The following DET1 variants were observed in gnomAD, a reference collection of about 807,000 sequenced individuals.
The protein encoded by DET1 is DET1 homolog.
Under a neutral mutation model 43.7 loss-of-function variants are expected in DET1, and 22 were observed. That is an observed-to-expected ratio of 0.50 (90% CI 0.36 to 0.72). The LOEUF (loss-of-function observed/expected upper bound fraction) is 0.72. Ranked by LOEUF, DET1 falls within the 30% of genes least tolerant of loss-of-function variation. The probability of loss-of-function intolerance (pLI) is 0.00; values close to 1 mark genes in which losing one functional copy is unlikely to be tolerated. For missense variants in DET1, 713 were observed against 713.3 expected, an observed-to-expected ratio of 1.00 and a Z score of 0.00; for synonymous variants, 315 against 266.2, an observed-to-expected ratio of 1.18 and a Z score of -1.79.
intron 2 of DET1, 51 bp downstream of exon 2, chr15:88,530,572 C>T (rs185552783): frequency 1.1e-4 from 173 of 1,529,744 alleles, no homozygotes; most frequent in Middle Eastern, 1.8e-4. Context: ...AGAAACCTTC[C>T]CATTTTGCCA....
chr15:88,534,324 C>G lies in DET1; in HGVS notation c.-10-2609G>C, dbSNP rs140788081. ...CACCTTCTCTCTCCCACTAAAAATG[C>G]AGCTATAAAACCTAGACAGAATGCA... On this transcript the variant is annotated intron_variant, in intron 1 of 4. Coordinates refer to ENST00000268148, the MANE Select transcript of DET1 (RefSeq NM_001144074.3). Among the ~76,000 whole-genome samples, 344 of 152,252 alleles carry G rather than the reference C, an allele frequency of 2.3e-3. 2 individuals carry two copies. Among genetic ancestry groups the G allele is most frequent in the African/African-American group, 8.0e-3 (332 of 41,542 alleles).
chr15:88,526,908 C>T (rs1003245418), intron 3 of DET1, among the ~76,000 whole-genome samples: 1 of 152,186 alleles, frequency 6.6e-6, no homozygotes, highest in African/African-American at 2.4e-5. Flanking sequence ...CAGCCTACCT[C>T]ACAGATACCT....
At chr15:88,520,897 T>A (rs548872589) in intron 3 of DET1, among the ~76,000 whole-genome samples, 3 of 152,342 alleles carry the variant, frequency 2.0e-5, no homozygotes, top group Non-Finnish European at 4.4e-5. Context: ...ACTGGATCAC[T>A]GCAATAGTCT....
At chr15:88,505,887 T>C (rs2056134818) in intron 7 of DET1, 1 of 152,146 alleles carries the variant, frequency 6.6e-6, no homozygotes, top group African/African-American at 2.4e-5. Context: ...GCAAAGCAGG[T>C]TAGAGGTGTT....
chr15:88,538,631 C>G (rs538727475), intron 1 of DET1, among the ~76,000 whole-genome samples: 1 of 152,098 alleles, frequency 6.6e-6, no homozygotes, highest in South Asian at 2.1e-4. Flanking sequence ...TCTAACACCC[C>G]GGGTACAACA....
At chr15:88,541,850 C>G (rs576507550) in intron 1 of DET1, among the ~76,000 whole-genome samples, 8 of 152,316 alleles carry the variant, frequency 5.3e-5, no homozygotes, top group East Asian at 3.9e-4. Flanking sequence ...TTTTGCCTCC[C>G]TCTGAAGAAG....
chr15:88,539,822 C>G (rs2057056753), intron 1 of DET1, among the ~76,000 whole-genome samples: 1 of 152,246 alleles, frequency 6.6e-6, no homozygotes, highest in South Asian at 2.1e-4. Flanking sequence ...CCATACCCCA[C>G]ATCCAAGTGA....
At chr15:88,537,980 T>C (rs2056996633) in intron 1 of DET1, among the ~76,000 whole-genome samples, 1 of 152,226 alleles carries the variant, frequency 6.6e-6, no homozygotes, top group African/African-American at 2.4e-5. Context: ...GTTTAATGTC[T>C]GATTCCCTTG....
chr15:88,527,958 T>C (rs1264519336), intron 2 of DET1, among the ~76,000 whole-genome samples, 172 bp from the exon 3 acceptor site: 1 of 152,164 alleles, frequency 6.6e-6, no homozygotes, highest in Non-Finnish European at 1.5e-5. Flanking sequence ...GGTGGAAACA[T>C]GGCTCCAAGT....
At chr15:88,509,813 C>T (rs761202219), downstream of DET1, among the ~76,000 whole-genome samples, 2 of 152,220 alleles carry the variant, frequency 1.3e-5, no homozygotes, top group Non-Finnish European at 2.9e-5. Context: ...ACCTCTCCAA[C>T]GGAACATGAA....
chr15:88,538,631 C>T (rs538727475), intron 1 of DET1, among the ~76,000 whole-genome samples: 12 of 152,216 alleles, frequency 7.9e-5, no homozygotes, highest in Admixed American at 2.0e-4. Flanking sequence ...TCTAACACCC[C>T]GGGTACAACA....
chr15:88,541,210 A>G (rs1402726677), intron 1 of DET1, among the ~76,000 whole-genome samples: 1 of 145,884 alleles, frequency 6.9e-6, no homozygotes, highest in Non-Finnish European at 1.5e-5. Flanking sequence ...CATATCTAAA[A>G]GCACAGCACT....
chr15:88,530,005 A>G (rs2056769284), intron 2 of DET1, among the ~76,000 whole-genome samples: 3 of 152,198 alleles, frequency 2.0e-5, no homozygotes. Context: ...GACTCTCCTC[A>G]CGGATCATAA....
In DET1 at chr15:88,506,190, G is replaced by A. The variant is rs144976049; in HGVS notation, c.*2066-2203C>T. ...TTAGTACTCACTTAGTGCTCACATCGACCCTGAAAAGTAGAAATTACCCCC... is the reference window on the plus strand; with the variant it reads ...TTAGTACTCACTTAGTGCTCACATCAACCCTGAAAAGTAGAAATTACCCCC... On this transcript the variant is annotated intron_variant and NMD_transcript_variant, in intron 7 of 8. Transcript: ENST00000557842. 4.4e-3 allele frequency among the ~76,000 whole-genome samples: 675 copies of A among 152,234 alleles called. 6 individuals are homozygous for A. The highest frequency in any genetic ancestry group is 0.015 in the African/African-American group (640 of 41,530).
At chr15:88,544,604 G>A (rs2057197852) in intron 1 of DET1, among the ~76,000 whole-genome samples, 2 of 152,096 alleles carry the variant, frequency 1.3e-5, no homozygotes, top group Non-Finnish European at 2.9e-5. Flanking sequence ...CAGAAACAAG[G>A]ACTCACTCCT....
chr15:88,538,228 G>T (rs2142331219), intron 1 of DET1, among the ~76,000 whole-genome samples: 1 of 151,634 alleles, frequency 6.6e-6, no homozygotes, highest in South Asian at 2.1e-4. Context: ...TTCACTGGCA[G>T]CCCCTTCCTC....
chr15:88,519,257 T>C (rs930337909), intron 3 of DET1, among the ~76,000 whole-genome samples: 1 of 152,202 alleles, frequency 6.6e-6, no homozygotes, highest in Non-Finnish European at 1.5e-5. Context: ...CTCTCTTCGA[T>C]GTCTTCACAC....
At chr15:88,540,095 C>G (rs532692052) in intron 1 of DET1, among the ~76,000 whole-genome samples, 1 of 152,006 alleles carries the variant, frequency 6.6e-6, no homozygotes, top group South Asian at 2.1e-4. Context: ...GTTTCCACTG[C>G]GACAGCAAGT....
Position 88,531,153 on chromosome 15 carries a change from G to T in DET1, c.553C>A (p.Arg185=). The T allele has an allele frequency of 6.2e-7, 1 of 1,613,948 alleles. No individual in the cohort carries two copies. The highest frequency in any genetic ancestry group is 1.1e-5 in the South Asian group (1 of 91,080). The change falls in exon 2 of 5, where the codon CGG becomes AGG. Residue 185 remains arginine, a synonymous_variant. Coordinates refer to ENST00000268148, the MANE Select transcript of DET1 (RefSeq NM_001144074.3). This position sits in a 1 kb window ranked among gnomAD's most constrained non-coding sequence, Gnocchi z 6.2. The part of the protein sequence containing the change: ...RNSESVTPNP[R]SPLEDYSLHI... Reference sequence around the variant, plus strand: ...AGGGAATAGTCTTCTAGAGGGGACCGTGGGTTGGGGGTCACTGATTCACTG... The same window carrying T: ...AGGGAATAGTCTTCTAGAGGGGACCTTGGGTTGGGGGTCACTGATTCACTG...
Sources: allele counts gnomAD v4.1 joint callset (sites outside exome capture counted in the v4.1 genomes callset), GRCh38; gene constraint gnomAD v4.1.1; non-coding constraint Gnocchi (gnomAD v3.1); transcripts MANE v1.5; gene names NCBI Gene and HGNC (gene_info 2026-07-23, HGNC 2026-07-21).